Variants in SAMD3 observed in about 807,000 individuals in gnomAD.
SAMD3 encodes the protein sterile alpha motif domain-containing protein 3.
SAMD3 carries 63 observed loss-of-function variants against 58.5 expected under a neutral mutation model. The observed-to-expected ratio is 1.08, with a 90% confidence interval of 0.88 to 1.33. The LOEUF is 1.33. SAMD3 is among the 40% of genes most tolerant of loss of function. The probability of loss-of-function intolerance (pLI) is 0.00; values close to 1 mark genes in which losing one functional copy is unlikely to be tolerated. For synonymous variants in SAMD3, 220 were observed against 210.3 expected (o/e 1.05, Z -0.40); for missense variants, 604 against 608.4 (o/e 0.99, Z 0.08).
chr6:130,349,564 T>C (rs1039668060), intron 1 of SAMD3, among the ~76,000 whole-genome samples: 9 of 152,240 alleles, frequency 5.9e-5, no homozygotes, highest in African/African-American at 1.2e-4. Context: ...GCTCTGAAAT[T>C]GAGGCAATAA....
intron 2 of SAMD3, among the ~76,000 whole-genome samples, chr6:130,291,796 GATTA>G (rs1775370758): frequency 6.6e-6 from 1 of 152,092 alleles, no homozygotes; most frequent in Admixed American, 6.5e-5. Context: ...AGAATTACTT[GATTA>G]ATTATGGGTT....
At position 130,198,850 on chromosome 6, in the gene SAMD3, A is replaced by G. The variant is rs148790249; in HGVS notation, c.383+10645T>C. 1.6e-3 allele frequency among the ~76,000 whole-genome samples: 236 copies of G among 152,218 alleles called. 2 individuals carry two copies. Among genetic ancestry groups the G allele is most frequent in the African/African-American group, 5.4e-3 (224 of 41,532 alleles). On this transcript the variant is annotated intron_variant, in intron 5 of 11. Coordinates refer to ENST00000439090, the MANE Select transcript of SAMD3 (RefSeq NM_001017373.4). ...AAGCATCTCACCAGGCTTCAGTTGC[A>G]CCCCATGTGGCTTTATGGGACCCAG... is the stretch of plus-strand genomic sequence containing the variant.
intron 5 of SAMD3, among the ~76,000 whole-genome samples, chr6:130,204,123 C>T (rs1012487183): frequency 1.3e-5 from 2 of 152,114 alleles, no homozygotes; most frequent in Admixed American, 1.3e-4. Flanking sequence ...TAATTATACC[C>T]AAAAGCGGAA....
intron 2 of SAMD3, among the ~76,000 whole-genome samples, chr6:130,296,590 C>G (rs1050728619): frequency 6.6e-6 from 1 of 152,164 alleles, no homozygotes; most frequent in African/African-American, 2.4e-5. Flanking sequence ...GTTTTTCATA[C>G]TTTTTGTGGT....
upstream of SAMD3, among the ~76,000 whole-genome samples, chr6:130,226,190 T>C (rs7762494): frequency 0.14 from 21,745 of 152,134 alleles, 3,753 homozygotes; most frequent in African/African-American, 0.41. Context: ...TTGCTGCTGA[T>C]CCCCTGTGTT....
chr6:130,320,810 C>T (rs926012227), intron 1 of SAMD3, among the ~76,000 whole-genome samples: 4 of 152,206 alleles, frequency 2.6e-5, no homozygotes, highest in Non-Finnish European at 5.9e-5. Context: ...TAGTGATACA[C>T]AGCAGGTCCA....
intron 9 of SAMD3, among the ~76,000 whole-genome samples, chr6:130,152,390 A>G (rs1789293643): frequency 6.6e-6 from 1 of 152,110 alleles, no homozygotes; most frequent in Non-Finnish European, 1.5e-5. Flanking sequence ...TGTCTAAAAC[A>G]ATCAGGTCGG....
intron 2 of SAMD3, among the ~76,000 whole-genome samples, chr6:130,272,914 A>G (rs1774618346): frequency 6.6e-6 from 1 of 152,178 alleles, no homozygotes. Flanking sequence ...TGGAATCTGT[A>G]GGAAAACTTC....
intron 1 of SAMD3, among the ~76,000 whole-genome samples, chr6:130,361,118 G>A (rs903526800): frequency 3.3e-5 from 5 of 152,028 alleles, no homozygotes; most frequent in East Asian, 1.9e-4. Flanking sequence ...CTCAGCTTAC[G>A]AGATGACAGA....
chr6:130,152,186 C>T (rs1431349534), intron 9 of SAMD3, among the ~76,000 whole-genome samples: 1 of 152,076 alleles, frequency 6.6e-6, no homozygotes, highest in East Asian at 1.9e-4. Context: ...ATGGCAGGAG[C>T]AACAGGCGGT....
At chr6:130,349,278 A>T (rs1184877654) in intron 1 of SAMD3, among the ~76,000 whole-genome samples, 1 of 152,208 alleles carries the variant, frequency 6.6e-6, no homozygotes, top group Non-Finnish European at 1.5e-5. Context: ...CAAAAAATCA[A>T]TGAATCCAGG....
In SAMD3 at chr6:130,323,184, G is replaced by A. The variant is rs1256258188; in HGVS notation, c.-303-10091C>T. On this transcript the variant is annotated intron_variant, in intron 1 of 13. Transcript: ENST00000368134. Reference sequence around the variant, plus strand: ...TTAGACAGATATAAAATAGAGACAAGTGAGAGAACAGGACAACGGATACCT... The same window carrying A: ...TTAGACAGATATAAAATAGAGACAAATGAGAGAACAGGACAACGGATACCT... 2.6e-5 allele frequency among the ~76,000 whole-genome samples: 4 copies of A among 152,148 alleles called. No individual in the cohort carries two copies. In the East Asian group the frequency reaches 7.7e-4, roughly 29 times the overall value.
chr6:130,255,303 G>A (rs1415553079), intron 2 of SAMD3, among the ~76,000 whole-genome samples: 1 of 152,204 alleles, frequency 6.6e-6, no homozygotes, highest in Non-Finnish European at 1.5e-5. Context: ...TGCAACATCA[G>A]TTAGGTCCAT....
intron 5 of SAMD3, among the ~76,000 whole-genome samples, chr6:130,186,379 C>T (rs1464570437): frequency 1.3e-5 from 2 of 152,132 alleles, no homozygotes; most frequent in African/African-American, 4.8e-5. Flanking sequence ...AGCACTCTCA[C>T]ATCTATTTTT....
In SAMD3 at chr6:130,144,543, C is replaced by T; in HGVS notation, c.1540G>A (p.Gly514Arg). 6.2e-7 allele frequency: 1 copy of T among 1,613,886 alleles called. No individual in the cohort carries two copies. Among genetic ancestry groups the T allele is most frequent in the Non-Finnish European group, 8.5e-7 (1 of 1,179,894 alleles). Residue 514 changes from glycine (G) to arginine (R), a missense_variant, in exon 12 of 12, where the codon GGA (glycine) becomes AGA (arginine). Coordinates refer to ENST00000439090, the MANE Select transcript of SAMD3 (RefSeq NM_001017373.4). ...PSLKEKENEV[G>R]FQHPLT ...TATTAAGTGAGTGGGTGCTGAAATCCTACTTCGTTTTCCTTTTCTTTCAAA... is the reference window on the plus strand; with the variant it reads ...TATTAAGTGAGTGGGTGCTGAAATCTTACTTCGTTTTCCTTTTCTTTCAAA...
intron 1 of SAMD3, among the ~76,000 whole-genome samples, chr6:130,355,860 G>A (rs1321927558): frequency 5.3e-5 from 8 of 152,176 alleles, no homozygotes; most frequent in African/African-American, 1.7e-4. Flanking sequence ...CACACAAAGT[G>A]TAGAGCGCAT....
intron 1 of SAMD3, among the ~76,000 whole-genome samples, chr6:130,341,337 A>G (rs1385576303): frequency 6.6e-6 from 1 of 152,246 alleles, no homozygotes; most frequent in African/African-American, 2.4e-5. Context: ...AAAGATGCAT[A>G]GGAATGCCTA....
At chr6:130,225,855 G>A (rs1796370038), upstream of SAMD3, among the ~76,000 whole-genome samples, 1 of 152,210 alleles carries the variant, frequency 6.6e-6, no homozygotes, top group African/African-American at 2.4e-5. Flanking sequence ...AAAAATGCTT[G>A]CCTGGGCACC....
chr6:130,321,198 A>G (rs146522230), intron 1 of SAMD3, among the ~76,000 whole-genome samples: 1 of 152,176 alleles, frequency 6.6e-6, no homozygotes, highest in Non-Finnish European at 1.5e-5. Context: ...GCTCTGTACC[A>G]GTCTTTCTCA....
Sources: gnomAD v4.1 joint callset for allele counts (sites outside exome capture counted in the v4.1 genomes callset) on GRCh38, gnomAD v4.1.1 for gene constraint, MANE v1.5 for transcripts, NCBI Gene and HGNC (gene_info 2026-07-23, HGNC 2026-07-21) for gene names.